Variants in RECK observed in about 807,000 individuals in gnomAD.
The protein encoded by RECK is reversion-inducing cysteine-rich protein with Kazal motifs.
A neutral mutation model predicts 115.1 loss-of-function variants in RECK; 69 were observed. The observed-to-expected ratio is 0.60, with a 90% CI of 0.49 to 0.73. The LOEUF is 0.73. Ranked by LOEUF, RECK falls within the 30% of genes least tolerant of loss-of-function variation. The pLI is 0.00. For missense variants in RECK, 1,047 were observed against 1,203.7 expected, an observed-to-expected ratio of 0.87 and a Z score of 1.93; for synonymous variants, 414 against 419.7, an observed-to-expected ratio of 0.99 and a Z score of 0.17.
chr9:36,084,952 G>T (rs1046070084), intron 8 of RECK, among the ~76,000 whole-genome samples: 8 of 152,070 alleles, frequency 5.3e-5, no homozygotes, highest in African/African-American at 1.9e-4. Flanking sequence ...CTACTGGAGA[G>T]GTAGAGACAG....
chr9:36,095,206 G>C (rs1823292043), intron 10 of RECK, among the ~76,000 whole-genome samples: 1 of 151,900 alleles, frequency 6.6e-6, no homozygotes, highest in Non-Finnish European at 1.5e-5. Flanking sequence ...AAAATAAATG[G>C]AATACTATGA....
intron 19 of RECK, among the ~76,000 whole-genome samples, chr9:36,121,330 C>G (rs1284787923): frequency 1.3e-5 from 2 of 152,170 alleles, no homozygotes; most frequent in Non-Finnish European, 2.9e-5. Context: ...TATGTATCTT[C>G]ACTACAGAGT....
At position 36,100,532 on chromosome 9, in the gene RECK, T is replaced by C. The variant is rs764172813; in HGVS notation, c.1287T>C (p.Ser429=). Residue 429 remains serine, a synonymous_variant, in exon 11 of 21, where the codon AGT becomes AGC. Transcript: ENST00000377966. ...CTTGTCATAGTAAATCTCGGGGAAG[T>C]ATTATTTGCAAGTAAGTTTCTTTCA... ...IKPCHSKSRG[S]IICKSDCVEI... is the part of the protein sequence containing the mutation. 6.2e-7 allele frequency: 1 copy of C among 1,612,816 alleles called. No homozygotes were observed. Among genetic ancestry groups the C allele is most frequent in the East Asian group, 2.2e-5 (1 of 44,862 alleles).
At position 36,045,179 on chromosome 9, in the gene RECK, C is replaced by T. The variant is rs1366703385; in HGVS notation, c.101-7086C>T. ...TGAGGTGGTGAGTATGTGGGTAATC[C>T]TCTCACTATTTGGCGCTTCCTTGGC... On this transcript the variant is annotated intron_variant, in intron 1 of 20. Transcript: ENST00000377966. Among the ~76,000 whole-genome samples, 3 of 151,770 alleles carry T rather than the reference C, an allele frequency of 2.0e-5. No individual in the cohort carries two copies. The East Asian group carries it at 5.8e-4, about 29-fold the overall frequency.
chr9:36,100,592 C>T (rs1320893531), intron 11 of RECK, 49 bp downstream of exon 11: 9 of 1,399,070 alleles, frequency 6.4e-6, no homozygotes, highest in South Asian at 2.4e-5. Context: ...TCAGACCCTC[C>T]GTGATCTCTA....
chr9:36,080,843 A>C (rs1394861225), intron 7 of RECK, among the ~76,000 whole-genome samples: 1 of 152,156 alleles, frequency 6.6e-6, no homozygotes, highest in Non-Finnish European at 1.5e-5. Flanking sequence ...CAACCCAATA[A>C]ATAGGCCCAT....
At chr9:36,091,582 G>A (rs764768479) in intron 10 of RECK, among the ~76,000 whole-genome samples, 6 of 152,122 alleles carry the variant, frequency 3.9e-5, no homozygotes, top group Non-Finnish European at 2.9e-5. Context: ...CTCTTCTGCC[G>A]TCAGTCCCCT....
intron 3 of RECK, among the ~76,000 whole-genome samples, chr9:36,059,899 C>T (rs1030114199): frequency 2.0e-5 from 3 of 152,306 alleles, no homozygotes; most frequent in Non-Finnish European, 2.9e-5. Flanking sequence ...AGTAACTAGA[C>T]TCATCGTTAA....
intron 1 of RECK, among the ~76,000 whole-genome samples, chr9:36,037,494 A>G (rs901138176): frequency 6.6e-6 from 1 of 151,652 alleles, no homozygotes; most frequent in South Asian, 2.1e-4. Context: ...AGTTATTGTT[A>G]CTTGTTACTT....
At chr9:36,120,876 C>T (rs1456710415) in intron 19 of RECK, 140 bp downstream of exon 19, 3 of 638,822 alleles carry the variant, frequency 4.7e-6, no homozygotes, top group Non-Finnish European at 8.1e-6. Context: ...GCCATATAGC[C>T]CTTAATCAGT....
At position 36,118,917 on chromosome 9, in the gene RECK, T is replaced by C. The variant is rs1402920530; in HGVS notation, c.2414T>C (p.Val805Ala). The change falls in exon 18 of 21, where the codon GTC becomes GCC. Residue 805 changes from valine to alanine, a missense_variant. By Grantham distance (64) the Val-to-Ala change is moderately conservative. Coordinates refer to ENST00000377966, the MANE Select transcript of RECK (RefSeq NM_021111.3). ...EHSSVAECAS[V>A]KCPSLLAAGC... ...AGCTCCGTCGCCGAGTGTGCTTCTG[T>C]CAAGTGTCCTTCGCTCTTGGCAGCT... 1 of 1,613,314 alleles carries C rather than the reference T, an allele frequency of 6.2e-7. No individual in the cohort carries two copies. The highest frequency in any genetic ancestry group is 8.5e-7 in the Non-Finnish European group (1 of 1,180,028).
intron 6 of RECK, chr9:36,072,823 A>G (rs1323941325): frequency 6.6e-6 from 1 of 152,146 alleles, no homozygotes; most frequent in African/African-American, 2.4e-5. Flanking sequence ...GGAAGGGAGT[A>G]ACTCCTATTT....
At position 36,118,900 on chromosome 9, in the gene RECK, C is replaced by T. The variant is rs1418045981; in HGVS notation, c.2397C>T (p.Val799=). 7 of 1,613,778 alleles carry T rather than the reference C, an allele frequency of 4.3e-6. No individual in the cohort carries two copies. The highest frequency in any genetic ancestry group is 3.3e-5 in the South Asian group (3 of 91,052). ...AVGVLSEHSS[V]AECASVKCPS... ...GAGTCCTCTCAGAGCACAGCTCCGT[C>T]GCCGAGTGTGCTTCTGTCAAGTGTC... Residue 799 remains valine (V), a synonymous_variant, in exon 18 of 21, where the codon GTC becomes GTT. Coordinates refer to ENST00000377966, the MANE Select transcript of RECK (RefSeq NM_021111.3).
intron 12 of RECK, 21 bp downstream of exon 12, chr9:36,102,251 G>A (rs1039687458): frequency 3.8e-6 from 6 of 1,570,320 alleles, no homozygotes; most frequent in Non-Finnish European, 3.5e-6. Context: ...TTTTGTATGT[G>A]TGTTTTTAGA....
chr9:36,038,069 T>G (rs1055891112), intron 1 of RECK, among the ~76,000 whole-genome samples: 1 of 150,726 alleles, frequency 6.6e-6, no homozygotes, highest in East Asian at 1.9e-4. Context: ...TCCCAGCACT[T>G]TGGGAGGTGG....
At chr9:36,096,275 G>A (rs1423203465) in intron 10 of RECK, among the ~76,000 whole-genome samples, 5 of 151,398 alleles carry the variant, frequency 3.3e-5, no homozygotes, top group Middle Eastern at 6.9e-3. Flanking sequence ...GGTGGCTCAC[G>A]CCTGTAATCC....
intron 3 of RECK, 102 bp downstream of exon 3, chr9:36,059,003 G>T: frequency 1.5e-6 from 1 of 680,338 alleles, no homozygotes. Flanking sequence ...ATTGGAATTT[G>T]TGGTCAAAAT....
Position 36,094,137 on chromosome 9 carries a change from T to C in RECK, c.1085+2794T>C, listed in dbSNP as rs1275050826. ...AAAATGCCACATGAAAACTCAGACCTATAGAGCACTGGGATTGGTAAATGT... is the reference window on the plus strand; with the variant it reads ...AAAATGCCACATGAAAACTCAGACCCATAGAGCACTGGGATTGGTAAATGT... On this transcript the variant is annotated intron_variant, in intron 10 of 20. Coordinates refer to ENST00000377966, the MANE Select transcript of RECK (RefSeq NM_021111.3). The surrounding 1 kb of genome is among the most constrained non-coding windows in gnomAD (Gnocchi z 4.1). Among the ~76,000 whole-genome samples, 1 of 152,154 alleles carries C rather than the reference T, an allele frequency of 6.6e-6. No individual in the cohort carries two copies. The highest frequency in any genetic ancestry group is 1.5e-5 in the Non-Finnish European group (1 of 67,998).
chr9:36,051,116 T>C (rs1821283836), intron 1 of RECK, among the ~76,000 whole-genome samples: 1 of 152,210 alleles, frequency 6.6e-6, no homozygotes, highest in Admixed American at 6.5e-5. Flanking sequence ...TGCCTAGTAC[T>C]TAAGCTGCTC....
Sources: gnomAD v4.1 joint callset for allele counts (sites outside exome capture counted in the v4.1 genomes callset) on GRCh38, gnomAD v4.1.1 for gene constraint, Gnocchi (gnomAD v3.1) non-coding constraint, MANE v1.5 for transcripts, NCBI Gene and HGNC (gene_info 2026-07-23, HGNC 2026-07-21) for gene names.